The following SPTBN5 variants were observed in gnomAD, a reference collection of about 807,000 sequenced individuals.
SPTBN5 encodes the protein spectrin beta chain, non-erythrocytic 5.
Under a neutral mutation model 477.6 loss-of-function variants are expected in SPTBN5, and 513 were observed. That is an observed-to-expected ratio of 1.07 (90% CI 1.00 to 1.16). The LOEUF is 1.16. Among genes scored for constraint, SPTBN5 ranks in the 50% most tolerant of loss-of-function variants. The pLI, the probability that SPTBN5 is intolerant of heterozygous loss-of-function variation, is 0.00. For synonymous variants in SPTBN5, 2,169 were observed against 2,011.7 expected (o/e 1.08, Z -2.09); for missense variants, 5,062 against 4,731.8 (o/e 1.07, Z -2.05).
At position 41,862,818 on chromosome 15, in the gene SPTBN5, TC is replaced by T; in HGVS notation, c.7234del (p.Glu2412LysfsTer12). The T allele has an allele frequency of 6.3e-7, 1 of 1,582,484 alleles. No individual in the cohort carries two copies. The highest frequency in any genetic ancestry group is 1.8e-5 in the Admixed American group (1 of 55,686). ...CACCTGGGCCTGGATGGGGTGCACT[TC>T]CCGCTCCAGCTCCTCGTGTTTCCGC... The part of the protein sequence containing the change: ...LLRKHEELER[E>X]VHPIQAQVES... On this transcript the variant is annotated frameshift_variant, in exon 42 of 68. Transcript: ENST00000320955. LOFTEE classifies it high-confidence loss of function.
chr15:41,865,600 C>T (rs1394457863), intron 39 of SPTBN5, among the ~76,000 whole-genome samples: 2 of 152,188 alleles, frequency 1.3e-5, no homozygotes, highest in Non-Finnish European at 2.9e-5. Context: ...CCACCACACA[C>T]GTGCTCTCTT....
Position 41,892,925 on chromosome 15 carries a change from C to T in SPTBN5, c.353G>A (p.Ser118Asn). 4 of 1,606,306 alleles carry T rather than the reference C, an allele frequency of 2.5e-6. No individual in the cohort carries two copies. Among genetic ancestry groups the T allele is most frequent in the Non-Finnish European group, 2.5e-6 (3 of 1,178,778 alleles). ...GRLRVHFLENSSRALAFLRAK... is the reference protein window; with the variant it reads ...GRLRVHFLENNSRALAFLRAK... ...CCTGAGGAAGGCCAGAGCTCGGCTG[C>T]TGTTCTCCAGGAAGTGCACACGCAG... Residue 118 changes from serine (S) to asparagine (N), a missense_variant, in exon 3 of 68, where the codon AGC (serine) becomes AAC (asparagine). By Grantham distance (46) the Ser-to-Asn change is conservative (BLOSUM62 1). Transcript: ENST00000320955.
In SPTBN5 at chr15:41,854,949, T is replaced by G; in HGVS notation, c.9451A>C (p.Arg3151=). 6.4e-7 allele frequency: 1 copy of G among 1,557,696 alleles called. No individual in the cohort carries two copies. Residue 3151 remains arginine, a synonymous_variant, in exon 56 of 68, where the codon AGA becomes CGA. Coordinates refer to ENST00000320955, the MANE Select transcript of SPTBN5 (RefSeq NM_016642.4). ...KVLEEKFDAF[R]KEVQSLGQAK... ...TGGCCCAGGCTCTGCACTTCCTTTCTGAAAGCATCAAACTTCTCTTCCAGC... is the reference window on the plus strand; with the variant it reads ...TGGCCCAGGCTCTGCACTTCCTTTCGGAAAGCATCAAACTTCTCTTCCAGC...
chr15:41,852,928 G>A lies in SPTBN5; in HGVS notation c.10243C>T (p.Arg3415Cys), dbSNP rs201626170. 594 of 1,590,028 alleles carry A rather than the reference G, an allele frequency of 3.7e-4. 1 individual carries two copies. In the Admixed American group the frequency reaches 6.6e-3, roughly 18 times the overall value. ...LEEAWALRWQRCAESWGLQKL... is the reference protein window; with the variant it reads ...LEEAWALRWQCCAESWGLQKL... ...TGCAGGCCCCAGCTCTCGGCACAGC[G>A]TTGCCAGCGCAGGGCCCAAGCCTCC... Residue 3415 changes from arginine (R) to cysteine (C), a missense_variant, in exon 60 of 68, where the codon CGC becomes TGC. Coordinates refer to ENST00000320955, the MANE Select transcript of SPTBN5 (RefSeq NM_016642.4).
At chr15:41,861,386 C>T (rs373526679) in intron 46 of SPTBN5, 33 bp downstream of exon 46, 6 of 1,575,572 alleles carry the variant, frequency 3.8e-6, no homozygotes, top group African/African-American at 2.7e-5. Context: ...TCTGGTAATT[C>T]CCCCCTCCTG....
intron 17 of SPTBN5, among the ~76,000 whole-genome samples, chr15:41,877,599 G>A (rs1306887068): frequency 6.6e-6 from 1 of 152,248 alleles, no homozygotes; most frequent in African/African-American, 2.4e-5. Flanking sequence ...AGCACAGTGT[G>A]AGAGAGAAAA....
At chr15:41,852,469 C>T (rs1252249340) in intron 61 of SPTBN5, among the ~76,000 whole-genome samples, 153 bp from the exon 62 acceptor site, 2 of 152,220 alleles carry the variant, frequency 1.3e-5, no homozygotes, top group East Asian at 1.9e-4. Context: ...TGGAGGCTCA[C>T]ACCCAGTCCA....
rs1166594701 is a variant in SPTBN5 at position 41,887,312 on chromosome 15, T to G, written c.789A>C (p.Ala263=). The G allele has an allele frequency of 1.3e-6, 2 of 1,551,114 alleles. No homozygotes were observed. Among genetic ancestry groups the G allele is most frequent in the Non-Finnish European group, 1.7e-6 (2 of 1,147,038 alleles). ...QLLDPEDVAA[A]QPDERSIMTY... is the part of the protein sequence containing the mutation. ...TCATGATAGAGCGCTCATCTGGCTG[T>G]GCGGCTGCCACGTCCTCGGGGTCCA... The change falls in exon 6 of 68, where the codon GCA becomes GCC. Residue 263 remains alanine, a synonymous_variant. Coordinates refer to ENST00000320955, the MANE Select transcript of SPTBN5 (RefSeq NM_016642.4).
In SPTBN5 at chr15:41,870,230, C is replaced by A. The variant is rs1239488092; in HGVS notation, c.5673+13G>T. 6.5e-7 allele frequency: 1 copy of A among 1,546,116 alleles called. No individual in the cohort carries two copies. Among genetic ancestry groups the A allele is most frequent in the Admixed American group, 2.0e-5 (1 of 50,920 alleles). On this transcript the variant is annotated intron_variant, in intron 31 of 67. Transcript: ENST00000320955. ...CAGGGGCCTGGGTCGGAGAGGCAGC[C>A]AGCTGGGCTCACCTGCCGCTCGGTG...
chr15:41,852,036 C>T, intron 62 of SPTBN5, 146 bp downstream of exon 62: 1 of 1,067,856 alleles, frequency 9.4e-7, no homozygotes. Flanking sequence ...AGACAGCCAT[C>T]TTTATTCCTA....
Position 41,872,392 on chromosome 15 carries a change from A to G in SPTBN5, c.5075T>C (p.Leu1692Pro), listed in dbSNP as rs1157360482. The change falls in exon 27 of 68, where the codon CTC becomes CCC. Residue 1692 changes from leucine (L) to proline (P), a missense_variant. Physicochemically the swap from Leu to Pro is moderately conservative, Grantham distance 98. Coordinates refer to ENST00000320955, the MANE Select transcript of SPTBN5 (RefSeq NM_016642.4). ...CTGCTCAGGGACTTCGGGGCCAGTG[A>G]GGGTTTGGGCCGTCTGGTCAAGCTC... ...MEELDQTAQTLTGPEVPEQQR... is the reference protein window; with the variant it reads ...MEELDQTAQTPTGPEVPEQQR... 4 of 1,606,666 alleles carry G rather than the reference A, an allele frequency of 2.5e-6. No individual in the cohort carries two copies. Among genetic ancestry groups the G allele is most frequent in the Non-Finnish European group, 3.4e-6 (4 of 1,177,178 alleles).
At position 41,855,413 on chromosome 15, in the gene SPTBN5, G is replaced by A; in HGVS notation, c.9234C>T (p.Ala3078=). 1 of 1,603,584 alleles carries A rather than the reference G, an allele frequency of 6.2e-7. No homozygotes were observed. Among genetic ancestry groups the A allele is most frequent in the Non-Finnish European group, 8.5e-7 (1 of 1,177,762 alleles). The change falls in exon 55 of 68, where the codon GCC becomes GCT. Residue 3078 remains alanine, a synonymous_variant. Coordinates refer to ENST00000320955, the MANE Select transcript of SPTBN5 (RefSeq NM_016642.4). The part of the protein sequence containing the change: ...RKNPESPKVL[A]QLQAVREAHA... ...GGGCCTCCCGAACTGCCTGCAGCTGGGCTAGCACCTTGGGGCTGTGGGAAG... is the reference window on the plus strand; with the variant it reads ...GGGCCTCCCGAACTGCCTGCAGCTGAGCTAGCACCTTGGGGCTGTGGGAAG...
chr15:41,874,545 C>T (rs1317649566), intron 23 of SPTBN5, 67 bp from the exon 24 acceptor site: 1 of 1,348,056 alleles, frequency 7.4e-7, no homozygotes, highest in Non-Finnish European at 1.0e-6. Context: ...TGGTTCTTTC[C>T]TTGGCCAAGC....
In SPTBN5 at chr15:41,872,360, C is replaced by T. The variant is rs770186470; in HGVS notation, c.5107G>A (p.Val1703Met). 5 of 1,611,470 alleles carry T rather than the reference C, an allele frequency of 3.1e-6. No individual in the cohort carries two copies. The highest frequency in any genetic ancestry group is 1.9e-4 in the Middle Eastern group (1 of 5,312). The change falls in exon 27 of 68, where the codon GTG becomes ATG. Residue 1703 changes from valine (V) to methionine (M), a missense_variant. Physicochemically the swap from Val to Met is conservative, Grantham distance 21. Coordinates refer to ENST00000320955, the MANE Select transcript of SPTBN5 (RefSeq NM_016642.4). ...TGPEVPEQQR[V>M]VQERLREQLR... ...TGCTCCCGGAGCCTCTCCTGCACCACACGCTGCTGCTCAGGGACTTCGGGG... is the reference window on the plus strand; with the variant it reads ...TGCTCCCGGAGCCTCTCCTGCACCATACGCTGCTGCTCAGGGACTTCGGGG...
intron 32 of SPTBN5, among the ~76,000 whole-genome samples, chr15:41,868,984 C>T (rs932977826): frequency 5.3e-5 from 8 of 152,216 alleles, no homozygotes; most frequent in African/African-American, 1.9e-4. Context: ...GGCCCCTTGG[C>T]CGCATTTGCC....
At chr15:41,870,384 G>A (rs749598864) in intron 30 of SPTBN5, 31 bp from the exon 31 acceptor site, 17 of 1,600,984 alleles carry the variant, frequency 1.1e-5, no homozygotes, top group Non-Finnish European at 1.4e-5. Flanking sequence ...AGGAGATGAG[G>A]GATGGAGCGT....
At position 41,857,328 on chromosome 15, in the gene SPTBN5, T is replaced by A. The variant is rs1473250233; in HGVS notation, c.8531A>T (p.Glu2844Val). The A allele has an allele frequency of 1.3e-6, 2 of 1,568,188 alleles. No homozygotes were observed. Among genetic ancestry groups the A allele is most frequent in the East Asian group, 2.4e-5 (1 of 42,146 alleles). The change falls in exon 51 of 68, where the codon GAG becomes GTG. Residue 2844 changes from glutamate to valine, a missense_variant. Glu to Val is a moderately radical substitution (Grantham distance 121, BLOSUM62 -2). Transcript: ENST00000320955. ...GGCCTGGGCCTGGCCCAGCAGTGCC[T>A]CAGCCTGCCTGGCCTTCTTGTCCAC... ...AAVDKKARQA[E>V]ALLGQAQAFV... is the part of the protein sequence containing the mutation.
intron 44 of SPTBN5, 81 bp downstream of exon 44, chr15:41,862,049 C>T: frequency 6.7e-7 from 1 of 1,497,720 alleles, no homozygotes; most frequent in South Asian, 1.3e-5. Context: ...TCAGGAGGCC[C>T]AAGAGCAAGG....
At chr15:41,868,975 G>A (rs1197656) in intron 32 of SPTBN5, among the ~76,000 whole-genome samples, 2 of 152,158 alleles carry the variant, frequency 1.3e-5, no homozygotes, top group African/African-American at 2.4e-5. Flanking sequence ...CTCTTCAAAG[G>A]CCCCTTGGCC....
Sources: gnomAD v4.1 joint callset for allele counts (sites outside exome capture counted in the v4.1 genomes callset) on GRCh38, gnomAD v4.1.1 for gene constraint, MANE v1.5 for transcripts, NCBI Gene and HGNC (gene_info 2026-07-23, HGNC 2026-07-21) for gene names.